Variants in CACNA1E observed in about 807,000 individuals in gnomAD.
The protein encoded by CACNA1E is voltage-dependent R-type calcium channel subunit alpha-1E.
CACNA1E carries 40 observed loss-of-function variants against 259.2 expected under a neutral mutation model. The observed-to-expected ratio is 0.15, with a 90% CI of 0.12 to 0.20. The LOEUF (loss-of-function observed/expected upper bound fraction) is 0.20. CACNA1E is among the 10% of genes least tolerant of loss of function. The pLI is 1.00. For missense variants in CACNA1E, 1,874 were observed against 3,040.1 expected (o/e 0.62, Z 9.02); for synonymous variants, 1,104 against 1,138.5 (o/e 0.97, Z 0.61).
chr1:181,417,734 G>C (rs1658378868), intron 2 of CACNA1E, among the ~76,000 whole-genome samples: 1 of 151,994 alleles, frequency 6.6e-6, no homozygotes, highest in Non-Finnish European at 1.5e-5. Context: ...ATCATTTCCT[G>C]CCAGCTCGCT....
At chr1:181,378,005 C>T (rs540930675) in intron 1 of CACNA1E, among the ~76,000 whole-genome samples, 5 of 152,280 alleles carry the variant, frequency 3.3e-5, no homozygotes, top group African/African-American at 7.2e-5. Context: ...TTTAGTTAAT[C>T]GGAAATTATT....
rs146187719 is a variant in CACNA1E at position 181,799,598 on chromosome 1, G to T, written c.*764G>T. ...CAGTAGGTGCTGAGAGTTAGGACAG[G>T]TCAGGAAGTCCCCCAGGGTCCACAA... On this transcript the variant is annotated 3_prime_UTR_variant, in exon 48 of 48. Transcript: ENST00000367573. 543 of 152,794 alleles carry T rather than the reference G, an allele frequency of 3.6e-3. 2 individuals carry two copies. Among genetic ancestry groups the T allele is most frequent in the Middle Eastern group, 6.8e-3 (2 of 296 alleles). The allele number at this position is 152,794 out of a possible 1,614,324, so 9.5% of individuals were successfully genotyped here. A position where few individuals can be genotyped will look rare whatever the true frequency, so the allele number is the denominator to read the frequency against.
At chr1:181,451,828 A>G (rs540232486) in intron 2 of CACNA1E, among the ~76,000 whole-genome samples, 1 of 152,348 alleles carries the variant, frequency 6.6e-6, no homozygotes, top group South Asian at 2.1e-4. Context: ...GGGCTAAGGA[A>G]TTTGGACTTT....
chr1:181,757,802 C>T (rs190257729), intron 30 of CACNA1E, 145 bp from the exon 31 acceptor site: 2 of 794,302 alleles, frequency 2.5e-6, no homozygotes, highest in African/African-American at 1.7e-5. Context: ...GTAGTTTTGT[C>T]CAAGTGACCC....
chr1:181,619,136 A>G (rs1217640240), intron 6 of CACNA1E, among the ~76,000 whole-genome samples: 1 of 152,080 alleles, frequency 6.6e-6, no homozygotes, highest in Non-Finnish European at 1.5e-5. Flanking sequence ...AAAATAAAAC[A>G]GATAAATCAT....
rs180734644 is a variant in CACNA1E at position 181,582,306 on chromosome 1, G to T, written c.951+1530G>T. ...TTCTCACCAGCTGTGGGAGGCAGCA[G>T]GAAGGAGGGGAGGGAGGCAAGGTTG... On this transcript the variant is annotated intron_variant, in intron 6 of 47. Transcript: ENST00000367573. Among the ~76,000 whole-genome samples the T allele has an allele frequency of 2.1e-3, 320 of 152,360 alleles. 11 individuals are homozygous for T. Among genetic ancestry groups the T allele is most frequent in the Admixed American group, 0.02 (305 of 15,310 alleles).
chr1:181,600,900 G>A (rs890536300), intron 6 of CACNA1E, among the ~76,000 whole-genome samples: 3 of 152,132 alleles, frequency 2.0e-5, no homozygotes, highest in South Asian at 2.1e-4. Flanking sequence ...AGAAGGCATA[G>A]ACAGAGAAGA....
chr1:181,537,313 G>A (rs1199112121), intron 3 of CACNA1E, among the ~76,000 whole-genome samples: 1 of 151,902 alleles, frequency 6.6e-6, no homozygotes, highest in East Asian at 1.9e-4. Flanking sequence ...TGGCCAGGCT[G>A]GTCTTGAACT....
chr1:181,556,687 A>G (rs1187827958), intron 3 of CACNA1E, among the ~76,000 whole-genome samples: 1 of 152,270 alleles, frequency 6.6e-6, no homozygotes, highest in Non-Finnish European at 1.5e-5. Context: ...GCCTCAGACC[A>G]CATTTTGGGG....
Position 181,801,898 on chromosome 1 carries a change from T to C in CACNA1E, c.*3064T>C, listed in dbSNP as rs749569909. On this transcript the variant is annotated 3_prime_UTR_variant, in exon 48 of 48. Transcript: ENST00000367573. ...CCTCAAAACAAGAGCAAAGCCAAGA[T>C]AGAGGAAGGTAAAAGGAGGAGGAAA... is the stretch of plus-strand genomic sequence containing the variant. The C allele has an allele frequency of 6.6e-6, 1 of 152,122 alleles. No homozygotes were observed. Among genetic ancestry groups the C allele is most frequent in the Non-Finnish European group, 1.5e-5 (1 of 68,032 alleles). The allele number at this position is 152,122 out of a possible 1,614,324, so 9.4% of individuals were successfully genotyped here.
chr1:181,480,622 C>G (rs1190051379), upstream of CACNA1E, among the ~76,000 whole-genome samples: 1 of 152,202 alleles, frequency 6.6e-6, no homozygotes, highest in Non-Finnish European at 1.5e-5. Context: ...TCGGGGATCT[C>G]TGATGTTCCA....
intron 2 of CACNA1E, among the ~76,000 whole-genome samples, chr1:181,449,209 C>T (rs766833277): frequency 5.9e-5 from 9 of 152,142 alleles, no homozygotes; most frequent in East Asian, 3.9e-4. Flanking sequence ...TGGAAGCTCA[C>T]GTTTCCAAGC....
intron 6 of CACNA1E, among the ~76,000 whole-genome samples, chr1:181,647,867 G>T (rs1658431001): frequency 6.6e-6 from 1 of 152,202 alleles, no homozygotes; most frequent in Non-Finnish European, 1.5e-5. Context: ...TGGCCAGGAA[G>T]AATGAAACAG....
chr1:181,787,772 A>AGACTT (rs1351326592), intron 43 of CACNA1E, among the ~76,000 whole-genome samples: 8 of 152,304 alleles, frequency 5.3e-5, no homozygotes, highest in African/African-American at 1.9e-4. Flanking sequence ...CATTTGAGTG[A>AGACTT]GACTTGAAGA....
At chr1:181,566,890 G>A (rs949312476) in intron 3 of CACNA1E, among the ~76,000 whole-genome samples, 3 of 152,026 alleles carry the variant, frequency 2.0e-5, no homozygotes, top group African/African-American at 7.2e-5. Flanking sequence ...AGATGTTGTT[G>A]GTTGTCATTG....
intron 7 of CACNA1E, among the ~76,000 whole-genome samples, chr1:181,703,157 T>G (rs1447361971): frequency 6.6e-6 from 1 of 152,204 alleles, no homozygotes; most frequent in Non-Finnish European, 1.5e-5. Context: ...AGGCACTCAA[T>G]AAATTGTATT....
intron 2 of CACNA1E, among the ~76,000 whole-genome samples, chr1:181,452,677 A>C (rs913574027): frequency 3.9e-5 from 6 of 152,224 alleles, no homozygotes; most frequent in Non-Finnish European, 5.9e-5. Context: ...CTTCAAGGCT[A>C]TCTCTAGGTA....
At chr1:181,709,334 C>G (rs751424463) in intron 7 of CACNA1E, among the ~76,000 whole-genome samples, 1 of 152,180 alleles carries the variant, frequency 6.6e-6, no homozygotes, top group Non-Finnish European at 1.5e-5. Flanking sequence ...TTTAGTAGAA[C>G]CCAATGAACC....
At chr1:181,318,510 G>T (rs1650087441) in intron 1 of CACNA1E, among the ~76,000 whole-genome samples, 1 of 152,226 alleles carries the variant, frequency 6.6e-6, no homozygotes, top group South Asian at 2.1e-4. Context: ...CGCCGCCGGG[G>T]AGCGGAGCCA....
Sources: gnomAD v4.1 joint callset for allele counts (sites outside exome capture counted in the v4.1 genomes callset) on GRCh38, gnomAD v4.1.1 for gene constraint, MANE v1.5 for transcripts, NCBI Gene and HGNC (gene_info 2026-07-23, HGNC 2026-07-21) for gene names.